CLRN1: variants seen among roughly 807,000 people sequenced by gnomAD.
The protein encoded by CLRN1 is clarin 1.
Under a neutral mutation model 18.7 loss-of-function variants are expected in CLRN1, and 15 were observed. That is an observed-to-expected ratio of 0.80 (90% CI 0.54 to 1.23). The LOEUF is 1.23. CLRN1 is among the 50% of genes most tolerant of loss of function. CLRN1 has a pLI of 0.00. For missense variants in CLRN1, 311 were observed against 277.5 expected (o/e 1.12, Z -0.86); for synonymous variants, 104 against 102.9 (o/e 1.01, Z -0.07).
At chr3:150,941,134 GTCTGTCTATCTA>G (rs946685071) in intron 2 of CLRN1, among the ~76,000 whole-genome samples, 14 of 131,714 alleles carry the variant, frequency 1.1e-4, no homozygotes, top group South Asian at 4.7e-4. Context: ...TTGTCTGTCT[GTCTGTCTATCTA>G]TCTATCTATC....
intron 2 of CLRN1, among the ~76,000 whole-genome samples, chr3:150,931,567 G>A (rs1713147727): frequency 6.6e-6 from 1 of 152,164 alleles, no homozygotes; most frequent in South Asian, 2.1e-4. Context: ...TCCTCCCATG[G>A]TCAGAGGGTG....
chr3:150,935,179 A>C (rs905048645), intron 2 of CLRN1, among the ~76,000 whole-genome samples: 3 of 151,744 alleles, frequency 2.0e-5, no homozygotes, highest in African/African-American at 7.3e-5. Context: ...GTTTTAGGGT[A>C]CGTGTGCTCA....
intron 1 of CLRN1, among the ~76,000 whole-genome samples, chr3:150,960,767 G>A (rs139698330): frequency 2.0e-5 from 3 of 152,330 alleles, no homozygotes; most frequent in Admixed American, 1.3e-4. Context: ...GCAGATGGAG[G>A]TCAAAAGTTA....
chr3:150,927,814 A>G lies in CLRN1; in HGVS notation c.*122T>C, dbSNP rs746787690. On this transcript the variant is annotated 3_prime_UTR_variant, in exon 3 of 3. Transcript: ENST00000327047. ...TATCCTTAGTACGTAATTTGTAAAC[A>G]TTGTCACGAAGGGTCCTGATGCTTT... 43 of 1,213,466 alleles carry G rather than the reference A, an allele frequency of 3.5e-5. No individual in the cohort carries two copies. Among genetic ancestry groups the G allele is most frequent in the Non-Finnish European group, 5.2e-5 (43 of 826,920 alleles). 75.2% of individuals were successfully genotyped at this position (1,213,466 alleles called of 1,614,324 possible). A position where few individuals can be genotyped will look rare whatever the true frequency, so the allele number is the denominator to read the frequency against.
intron 1 of CLRN1, among the ~76,000 whole-genome samples, chr3:150,945,980 C>A (rs1271325385): frequency 2.6e-5 from 4 of 152,150 alleles, no homozygotes; most frequent in Non-Finnish European, 4.4e-5. Flanking sequence ...TTCATTGCAG[C>A]ATTTCTTGAT....
At chr3:150,968,272 A>G (rs1028258016) in intron 1 of CLRN1, among the ~76,000 whole-genome samples, 1 of 152,178 alleles carries the variant, frequency 6.6e-6, no homozygotes. Context: ...CAAAATTTGC[A>G]GTTTTTGTCT....
chr3:150,962,090 G>T (rs1559991738), intron 1 of CLRN1, among the ~76,000 whole-genome samples: 1 of 152,178 alleles, frequency 6.6e-6, no homozygotes, highest in Non-Finnish European at 1.5e-5. Context: ...GCTTAGGGAT[G>T]ACAGCGGCTG....
chr3:150,946,405 A>G (rs1444639265), intron 1 of CLRN1, among the ~76,000 whole-genome samples: 1 of 152,170 alleles, frequency 6.6e-6, no homozygotes, highest in East Asian at 1.9e-4. Context: ...AGGGACTGGC[A>G]TGTGTGTCTA....
intron 1 of CLRN1, among the ~76,000 whole-genome samples, chr3:150,964,350 C>T (rs897831837): frequency 6.6e-6 from 1 of 152,070 alleles, no homozygotes; most frequent in South Asian, 2.1e-4. Flanking sequence ...CAAAACCACA[C>T]TGAGATACCA....
chr3:150,942,570 T>C (rs1370964490), intron 1 of CLRN1: 4 of 454,706 alleles, frequency 8.8e-6, no homozygotes, highest in Admixed American at 2.4e-5. Context: ...CCAGGCATTA[T>C]TCTAGGTGTT....
At chr3:150,955,134 A>G (rs1714676420) in intron 1 of CLRN1, among the ~76,000 whole-genome samples, 1 of 152,212 alleles carries the variant, frequency 6.6e-6, no homozygotes, top group African/African-American at 2.4e-5. Context: ...GGAAGAAGTC[A>G]GACTCGAGAG....
At chr3:150,941,840 C>A in intron 1 of CLRN1, 79 bp from the exon 2 acceptor site, 1 of 1,289,284 alleles carries the variant, frequency 7.8e-7, no homozygotes, top group Non-Finnish European at 1.1e-6. Context: ...AATCAAATCT[C>A]TCTTTTTTAA....
chr3:150,935,996 G>A (rs1000495176), intron 2 of CLRN1, among the ~76,000 whole-genome samples: 5 of 151,808 alleles, frequency 3.3e-5, no homozygotes, highest in African/African-American at 1.2e-4. Flanking sequence ...GGGGTTGTTT[G>A]TTTTTTTCTT....
intron 2 of CLRN1, chr3:150,941,323 C>G (rs935867895): frequency 2.6e-6 from 1 of 377,674 alleles, no homozygotes; most frequent in Admixed American, 4.1e-5. Context: ...TTGAGACAAG[C>G]GTTTATCCTC....
intron 2 of CLRN1, 51 bp from the exon 3 acceptor site, chr3:150,928,252 G>T: frequency 6.2e-7 from 1 of 1,606,280 alleles, no homozygotes; most frequent in Non-Finnish European, 8.5e-7. Flanking sequence ...GATTGTAAGG[G>T]ACAGGGAAGA....
chr3:150,958,578 A>G (rs1027679618), intron 1 of CLRN1, among the ~76,000 whole-genome samples: 1 of 152,214 alleles, frequency 6.6e-6, no homozygotes, highest in African/African-American at 2.4e-5. Context: ...TAGGACCACA[A>G]TAAGTTCTTC....
chr3:150,932,977 T>C (rs1028797208), intron 2 of CLRN1, among the ~76,000 whole-genome samples: 1 of 152,252 alleles, frequency 6.6e-6, no homozygotes, highest in African/African-American at 2.4e-5. Context: ...AGCCCATATC[T>C]AACCTAAGTT....
rs149992796 is a variant in CLRN1 at position 150,957,408 on chromosome 3, C to T, written c.253+15048G>A. 3.7e-3 allele frequency among the ~76,000 whole-genome samples: 556 copies of T among 152,238 alleles called. 5 individuals carry two copies. The highest frequency in any genetic ancestry group is 0.012 in the African/African-American group (517 of 41,526). ...TTAGCTCCTTCAGGGACCTCCCTTC[C>T]CCACCACTTCATCAAGACTGCTTTG... On this transcript the variant is annotated intron_variant, in intron 1 of 2. Transcript: ENST00000327047.
At position 150,941,354 on chromosome 3, in the gene CLRN1, ATAATT is replaced by A. The variant is rs1286466802; in HGVS notation, c.433+223_433+227del. 7 of 479,934 alleles carry A rather than the reference ATAATT, an allele frequency of 1.5e-5. No individual in the cohort carries two copies. In the East Asian group the frequency reaches 2.6e-4, roughly 18 times the overall value. 29.7% of individuals were successfully genotyped at this position (479,934 alleles called of 1,614,324 possible). On this transcript the variant is annotated intron_variant, in intron 2 of 2. Coordinates refer to ENST00000327047, the MANE Select transcript of CLRN1 (RefSeq NM_174878.3). ...TCCTCTTGATTACATCTTCAAAAAT[ATAATT>A]TAATGTCAGCATCACAGTTATTCAT...
Sources: allele counts gnomAD v4.1 joint callset (sites outside exome capture counted in the v4.1 genomes callset), GRCh38; gene constraint gnomAD v4.1.1; transcripts MANE v1.5; gene names NCBI Gene and HGNC (gene_info 2026-07-23, HGNC 2026-07-21).